Variants in RGS20 observed in about 807,000 individuals in gnomAD.
The protein encoded by RGS20 is gz-selective GTPase-activating protein.
In RGS20, 30 loss-of-function variants were observed where a neutral mutation model predicts 33.6. The observed-to-expected ratio is 0.89, with a 90% CI of 0.67 to 1.21. RGS20 has a LOEUF of 1.21. Ranked by LOEUF, RGS20 falls within the 50% of genes most tolerant of loss-of-function variation. RGS20 has a pLI of 0.00. For synonymous variants in RGS20, 208 were observed against 197.9 expected, an observed-to-expected ratio of 1.05 and a Z score of -0.43; for missense variants, 472 against 502.4, an observed-to-expected ratio of 0.94 and a Z score of 0.58.
intron 2 of RGS20, among the ~76,000 whole-genome samples, chr8:53,922,660 G>A (rs1813682247): frequency 6.6e-6 from 1 of 151,842 alleles, no homozygotes; most frequent in Non-Finnish European, 1.5e-5. Flanking sequence ...TTCACTGTAT[G>A]TGTATATTTT....
intron 4 of RGS20, among the ~76,000 whole-genome samples, chr8:53,949,031 ATATT>A (rs1398314082): frequency 3.6e-5 from 3 of 83,736 alleles, no homozygotes; most frequent in Non-Finnish European, 6.2e-5. Flanking sequence ...GATACAGTAT[ATATT>A]TATATATGCT....
At chr8:53,934,234 A>T (rs1436947234) in intron 2 of RGS20, among the ~76,000 whole-genome samples, 1 of 152,196 alleles carries the variant, frequency 6.6e-6, no homozygotes, top group African/African-American at 2.4e-5. Context: ...CATCATAATG[A>T]CAGGATCAAA....
intron 2 of RGS20, among the ~76,000 whole-genome samples, 162 bp downstream of exon 1, chr8:53,881,246 C>T (rs1307291258): frequency 4.6e-5 from 7 of 151,984 alleles, no homozygotes; most frequent in African/African-American, 7.2e-5. Context: ...GGGGTTCCTT[C>T]CCGCAGTGCG....
chr8:53,903,553 C>G (rs1469025072), intron 2 of RGS20, among the ~76,000 whole-genome samples: 1 of 152,224 alleles, frequency 6.6e-6, no homozygotes, highest in Non-Finnish European at 1.5e-5. Flanking sequence ...CCCAGGATCT[C>G]TGCCAGCTCT....
rs986976778 is a variant in RGS20, at chr8:53,959,018, CAT to C, written c.*563_*564del. On this transcript the variant is annotated 3_prime_UTR_variant, in exon 6 of 6. Coordinates refer to ENST00000297313, the MANE Select transcript of RGS20 (RefSeq NM_170587.4). ...GTATGTATGTATGTATGTATGGAGA[CAT>C]ATGTGTGCGTGTGGATGTCTACATG... is the stretch of plus-strand genomic sequence containing the variant. 1.5e-4 allele frequency: 23 copies of C among 152,154 alleles called. No individual in the cohort carries two copies. Among genetic ancestry groups the C allele is most frequent in the Admixed American group, 8.5e-4 (13 of 15,294 alleles). The allele number at this position is 152,154 out of a possible 1,614,324, so 9.4% of individuals were successfully genotyped here.
chr8:53,891,536 G>T (rs1157678597), intron 2 of RGS20, among the ~76,000 whole-genome samples: 2 of 152,060 alleles, frequency 1.3e-5, no homozygotes, highest in Non-Finnish European at 2.9e-5. Flanking sequence ...CAGGAGAATC[G>T]CTTGAACCCG....
At chr8:53,897,667 C>T (rs377059941) in intron 2 of RGS20, among the ~76,000 whole-genome samples, 10 of 152,142 alleles carry the variant, frequency 6.6e-5, no homozygotes, top group South Asian at 2.1e-4. Context: ...CTTTTTCATA[C>T]GCCAACTTGA....
chr8:53,909,256 C>CT (rs1401643199), intron 2 of RGS20, among the ~76,000 whole-genome samples: 30 of 44,360 alleles, frequency 6.8e-4, no homozygotes, highest in Admixed American at 2.5e-3. Flanking sequence ...TATATATATA[C>CT]TTTTTTTTTT....
chr8:53,898,540 C>CA (rs1027044801), intron 2 of RGS20, among the ~76,000 whole-genome samples: 4 of 152,196 alleles, frequency 2.6e-5, no homozygotes, highest in African/African-American at 9.7e-5. Flanking sequence ...TGTCAATTCA[C>CA]ATTTTTTAGG....
At chr8:53,901,853 G>C (rs1813043045) in intron 2 of RGS20, among the ~76,000 whole-genome samples, 1 of 152,088 alleles carries the variant, frequency 6.6e-6, no homozygotes, top group Admixed American at 6.6e-5. Context: ...GTGAGACCCT[G>C]TCCCTTAAAA....
At chr8:53,863,846 C>T (rs1157342337) in intron 1 of RGS20, among the ~76,000 whole-genome samples, 1 of 151,400 alleles carries the variant, frequency 6.6e-6, no homozygotes, top group African/African-American at 2.4e-5. Flanking sequence ...CCTGTCTCAG[C>T]CTCCCAAGTA....
chr8:53,856,104 C>A (rs1002927872), intron 1 of RGS20, among the ~76,000 whole-genome samples: 4 of 151,966 alleles, frequency 2.6e-5, no homozygotes, highest in Non-Finnish European at 4.4e-5. Context: ...GATTTCTGCC[C>A]AAAATACTCC....
At chr8:53,869,191 A>G (rs1585868385) in intron 1 of RGS20, among the ~76,000 whole-genome samples, 1 of 152,240 alleles carries the variant, frequency 6.6e-6, no homozygotes, top group East Asian at 1.9e-4. Context: ...ATAGAATGCT[A>G]CAAGAAAAGA....
chr8:53,923,499 G>T (rs1245449977), intron 2 of RGS20, among the ~76,000 whole-genome samples: 2 of 151,978 alleles, frequency 1.3e-5, no homozygotes, highest in Non-Finnish European at 2.9e-5. Flanking sequence ...GGGAGCTGAG[G>T]CAGGAGGATC....
intron 2 of RGS20, among the ~76,000 whole-genome samples, chr8:53,916,207 A>G (rs1187150761): frequency 6.6e-6 from 1 of 152,092 alleles, no homozygotes; most frequent in Non-Finnish European, 1.5e-5. Flanking sequence ...TTTTTCGTAG[A>G]GACAAGGTTT....
At chr8:53,885,474 CG>C (rs1800863467) in intron 2 of RGS20, among the ~76,000 whole-genome samples, 1 of 152,134 alleles carries the variant, frequency 6.6e-6, no homozygotes, top group African/African-American at 2.4e-5. Context: ...ATTAGCTGGG[CG>C]TATTAGCGGG....
At chr8:53,947,168 T>A (rs10092079) in intron 4 of RGS20, among the ~76,000 whole-genome samples, 13 of 144,084 alleles carry the variant, frequency 9.0e-5, no homozygotes, top group East Asian at 2.0e-4. Flanking sequence ...ATTTATACAC[T>A]CTATATAAGA....
intron 5 of RGS20, among the ~76,000 whole-genome samples, chr8:53,956,096 A>G (rs1297374263): frequency 6.6e-6 from 1 of 152,086 alleles, no homozygotes; most frequent in Admixed American, 6.5e-5. Flanking sequence ...AAAAATACTC[A>G]AGGAGGCTAC....
At chr8:53,894,232 G>A (rs1047916858) in intron 2 of RGS20, among the ~76,000 whole-genome samples, 1 of 152,072 alleles carries the variant, frequency 6.6e-6, no homozygotes, top group Non-Finnish European at 1.5e-5. Flanking sequence ...AGTCCAAAGC[G>A]CATAACCACT....
Sources: gnomAD v4.1 joint callset for allele counts (sites outside exome capture counted in the v4.1 genomes callset) on GRCh38, gnomAD v4.1.1 for gene constraint, MANE v1.5 for transcripts, NCBI Gene and HGNC (gene_info 2026-07-23, HGNC 2026-07-21) for gene names.